TULP4: variants seen among roughly 807,000 people sequenced by gnomAD.
TULP4 encodes the protein tubby-related protein 4.
A neutral mutation model predicts 129.0 loss-of-function variants in TULP4; 16 were observed. The ratio of observed to expected loss-of-function variants is 0.12; its 90% CI spans 0.08 to 0.19. The LOEUF is 0.19. Among genes scored for constraint, TULP4 ranks in the 10% least tolerant of loss-of-function variants. TULP4 has a pLI of 1.00. For synonymous variants in TULP4, 998 were observed against 854.0 expected (o/e 1.17, Z -2.94); for missense variants, 1,842 against 2,059.1 (o/e 0.89, Z 2.04).
chr6:158,398,905 G>A (rs900696046), intron 1 of TULP4, among the ~76,000 whole-genome samples: 2 of 152,182 alleles, frequency 1.3e-5, no homozygotes, highest in African/African-American at 2.4e-5. Context: ...TTAGTCTGAG[G>A]TGCGGGTTAT....
At chr6:158,471,129 AT>A (rs1779671647) in intron 6 of TULP4, among the ~76,000 whole-genome samples, 1 of 152,226 alleles carries the variant, frequency 6.6e-6, no homozygotes, top group Non-Finnish European at 1.5e-5. Context: ...GGAAGGAGAG[AT>A]TGTAGAAAGA....
chr6:158,388,567 GAT>G (rs1777510481), intron 1 of TULP4, among the ~76,000 whole-genome samples: 1 of 150,224 alleles, frequency 6.7e-6, no homozygotes, highest in Non-Finnish European at 1.5e-5. Context: ...CTGACCTCGT[GAT>G]CCACCTGCTT....
At position 158,313,342 on chromosome 6, in the gene TULP4, C is replaced by T; in HGVS notation, c.-675C>T. The stretch of plus-strand genomic sequence containing the variant: ...AACAAGGAGAGAGTCTGTTTTTCTT[C>T]CTAAAATTTGGACTCTTGTCTGCAC... On this transcript the variant is annotated 5_prime_UTR_variant, in exon 1 of 14. Transcript: ENST00000367097. 2.5e-6 allele frequency: 1 copy of T among 396,358 alleles called. No homozygotes were observed. 24.6% of individuals were successfully genotyped at this position (396,358 alleles called of 1,614,324 possible).
At chr6:158,407,957 A>G (rs913771731) in intron 1 of TULP4, among the ~76,000 whole-genome samples, 7 of 152,210 alleles carry the variant, frequency 4.6e-5, no homozygotes, top group Admixed American at 1.3e-4. Flanking sequence ...TACACTGACA[A>G]TGGGTGAATT....
intron 1 of TULP4, among the ~76,000 whole-genome samples, chr6:158,267,934 C>T (rs1400612217): frequency 1.3e-5 from 2 of 151,814 alleles, no homozygotes; most frequent in African/African-American, 2.4e-5. Context: ...AAGGGTTTAT[C>T]AGTGGTACCT....
At chr6:158,463,042 C>T (rs1470389390) in intron 6 of TULP4, among the ~76,000 whole-genome samples, 1 of 152,194 alleles carries the variant, frequency 6.6e-6, no homozygotes, top group African/African-American at 2.4e-5. Context: ...GCATGAGCCA[C>T]CACTCCTGGC....
At chr6:158,452,791 T>C (rs1054436134) in intron 5 of TULP4, among the ~76,000 whole-genome samples, 1 of 152,256 alleles carries the variant, frequency 6.6e-6, no homozygotes, top group Non-Finnish European at 1.5e-5. Flanking sequence ...AGTCAAGTGC[T>C]GATACCTTCC....
intron 3 of TULP4, among the ~76,000 whole-genome samples, chr6:158,433,343 C>A (rs1465528774): frequency 6.6e-6 from 1 of 152,198 alleles, no homozygotes; most frequent in Non-Finnish European, 1.5e-5. Context: ...GTAACATATT[C>A]TTTACTCTGA....
chr6:158,477,999 C>T (rs942453299), intron 6 of TULP4, among the ~76,000 whole-genome samples: 7 of 152,070 alleles, frequency 4.6e-5, no homozygotes, highest in East Asian at 1.9e-4. Context: ...AGCAAACTAA[C>T]GTAGGAACAA....
chr6:158,322,245 T>G (rs1374561253), intron 1 of TULP4, among the ~76,000 whole-genome samples: 1 of 152,218 alleles, frequency 6.6e-6, no homozygotes, highest in Non-Finnish European at 1.5e-5. Context: ...GAAAGTGACT[T>G]TTAGTAGATT....
rs998063133 is a variant in TULP4, at chr6:158,269,411, G to A, written n.68+37108G>A. Among the ~76,000 whole-genome samples the A allele has an allele frequency of 5.4e-5, 8 of 147,700 alleles. No homozygotes were observed. In the East Asian group the frequency reaches 1.2e-3, roughly 22 times the overall value. On this transcript the variant is annotated intron_variant and non_coding_transcript_variant, in intron 1 of 1. Coordinates refer to the TULP4 transcript ENST00000620026. ...AAAAAAAAAAAAAAAGGATTTTCCT[G>A]TCTCACTGGGAGACTGAGAACATGG...
intron 1 of TULP4, among the ~76,000 whole-genome samples, chr6:158,245,518 G>C (rs1778012129): frequency 6.6e-6 from 1 of 152,026 alleles, no homozygotes; most frequent in Admixed American, 6.6e-5. Flanking sequence ...GATGCACTCA[G>C]TCCAGATAGC....
chr6:158,469,924 G>A lies in TULP4; in HGVS notation c.1026+8195G>A, dbSNP rs1382458878. Among the ~76,000 whole-genome samples the A allele has an allele frequency of 7.9e-5, 12 of 152,032 alleles. 1 individual carries two copies. The highest frequency in any genetic ancestry group is 5.8e-4 in the East Asian group (3 of 5,146). ...GGTGGTGGGCTGCTTCCAGAATGGC[G>A]GCGGGCCACTTCCAAGATGGTGGCA... is the stretch of plus-strand genomic sequence containing the variant. On this transcript the variant is annotated intron_variant, in intron 6 of 13. Transcript: ENST00000367097.
At chr6:158,416,638 A>C (rs895404193) in intron 2 of TULP4, among the ~76,000 whole-genome samples, 5 of 152,234 alleles carry the variant, frequency 3.3e-5, no homozygotes, top group Non-Finnish European at 7.3e-5. Flanking sequence ...TTAATTCATT[A>C]TTGAGGAAAG....
rs1188938264 is a variant in TULP4 at position 158,510,412 on chromosome 6, C to A, written c.*3718C>A. The A allele has an allele frequency of 1.3e-5, 2 of 152,228 alleles. No individual in the cohort carries two copies. Among genetic ancestry groups the A allele is most frequent in the African/African-American group, 4.8e-5 (2 of 41,452 alleles). The allele number at this position is 152,228 out of a possible 1,614,324, so 9.4% of individuals were successfully genotyped here. On this transcript the variant is annotated 3_prime_UTR_variant, in exon 14 of 14. Transcript: ENST00000367097. ...AAGTCCCTGGGGCTGGCTAGGCCTC[C>A]ACTTGTCCATCTGTGAAATGAAAGG... is the stretch of plus-strand genomic sequence containing the variant.
chr6:158,310,808 C>T (rs1779333658), upstream of TULP4, among the ~76,000 whole-genome samples: 1 of 152,144 alleles, frequency 6.6e-6, no homozygotes, highest in African/African-American at 2.4e-5. Flanking sequence ...CCTGGGACTA[C>T]CATGGTGCTT....
intron 3 of TULP4, among the ~76,000 whole-genome samples, chr6:158,438,609 G>T (rs879462989): frequency 1.3e-5 from 2 of 151,708 alleles, no homozygotes; most frequent in African/African-American, 2.4e-5. Context: ...GTTTGAGACA[G>T]AGTCTCGCTC....
chr6:158,397,244 G>A (rs1410267836), intron 1 of TULP4, among the ~76,000 whole-genome samples: 1 of 152,180 alleles, frequency 6.6e-6, no homozygotes, highest in Admixed American at 6.5e-5. Flanking sequence ...GGAAGCATGT[G>A]GTCACTTGTG....
chr6:158,462,810 C>T lies in TULP4; in HGVS notation c.1026+1081C>T, dbSNP rs187684356. On this transcript the variant is annotated intron_variant, in intron 6 of 13. Transcript: ENST00000367097. ...TGTTGCCCAGGCTGGAGTGCAGTGGCGCCATCTCGGCTCACTGCAACCTCC... is the reference window on the plus strand; with the variant it reads ...TGTTGCCCAGGCTGGAGTGCAGTGGTGCCATCTCGGCTCACTGCAACCTCC... 3.3e-4 allele frequency among the ~76,000 whole-genome samples: 46 copies of T among 141,086 alleles called. 1 individual carries two copies. The East Asian group carries it at 5.0e-3, about 15-fold the overall frequency. 92.6% of individuals were successfully genotyped at this position (141,086 alleles called of 152,430 possible). A position where few individuals can be genotyped will look rare whatever the true frequency, so the allele number is the denominator to read the frequency against.
Sources: allele counts gnomAD v4.1 joint callset (sites outside exome capture counted in the v4.1 genomes callset), GRCh38; gene constraint gnomAD v4.1.1; transcripts MANE v1.5; gene names NCBI Gene and HGNC (gene_info 2026-07-23, HGNC 2026-07-21).